ZBTB8A: variants seen among roughly 807,000 people sequenced by gnomAD.
The protein encoded by ZBTB8A is zinc finger and BTB domain-containing protein 8A.
Under a neutral mutation model 37.8 loss-of-function variants are expected in ZBTB8A, and 19 were observed. The observed-to-expected ratio is 0.50, with a 90% CI of 0.35 to 0.74. The LOEUF is 0.74. ZBTB8A is among the 30% of genes least tolerant of loss of function. The probability of loss-of-function intolerance (pLI) is 0.01; values close to 1 mark genes in which losing one functional copy is unlikely to be tolerated. For synonymous variants in ZBTB8A, 181 were observed against 185.2 expected (o/e 0.98, Z 0.19); for missense variants, 394 against 537.8 (o/e 0.73, Z 2.65).
At chr1:32,582,938 G>C in intron 2 of ZBTB8A, among the ~76,000 whole-genome samples, 1 of 152,072 alleles carries the variant, frequency 6.6e-6, no homozygotes, top group Admixed American at 6.6e-5. Flanking sequence ...CCCATTACTA[G>C]TAGAACCTGG....
intron 1 of ZBTB8A, among the ~76,000 whole-genome samples, chr1:32,546,835 G>C (rs1481271683): frequency 1.3e-5 from 2 of 152,154 alleles, no homozygotes; most frequent in Non-Finnish European, 2.9e-5. Flanking sequence ...AGTTCCCTCT[G>C]TCTCCCTGGC....
chr1:32,594,705 G>A (rs1386570786), intron 3 of ZBTB8A, among the ~76,000 whole-genome samples: 1 of 151,602 alleles, frequency 6.6e-6, no homozygotes. Flanking sequence ...GGCAGAGGTT[G>A]CAGTGAGTGG....
intron 2 of ZBTB8A, among the ~76,000 whole-genome samples, chr1:32,567,910 G>A (rs1390471302): frequency 6.6e-6 from 1 of 151,810 alleles, no homozygotes; most frequent in East Asian, 1.9e-4. Context: ...GGGAGGCCGA[G>A]GCAGGCAGAT....
At chr1:32,557,162 C>T (rs143847605) in intron 2 of ZBTB8A, among the ~76,000 whole-genome samples, 22 of 151,804 alleles carry the variant, frequency 1.4e-4, no homozygotes, top group African/African-American at 5.1e-4. Flanking sequence ...ATTAACCGGG[C>T]GTGATGGTGT....
At chr1:32,565,591 C>T (rs1644272379) in intron 2 of ZBTB8A, among the ~76,000 whole-genome samples, 1 of 152,108 alleles carries the variant, frequency 6.6e-6, no homozygotes, top group African/African-American at 2.4e-5. Flanking sequence ...GAGTCTGAGG[C>T]TGCAGTAAGC....
intron 2 of ZBTB8A, among the ~76,000 whole-genome samples, chr1:32,575,226 CTTT>C (rs778765276): frequency 9.9e-6 from 1 of 101,016 alleles, no homozygotes. Flanking sequence ...CTTTTCTTTC[CTTT>C]TTTTTTTTTT....
chr1:32,598,065 A>T (rs1644546631), intron 4 of ZBTB8A, among the ~76,000 whole-genome samples: 1 of 151,376 alleles, frequency 6.6e-6, no homozygotes, highest in African/African-American at 2.4e-5. Context: ...AATACGCATA[A>T]TATTACTATC....
intron 2 of ZBTB8A, among the ~76,000 whole-genome samples, chr1:32,573,803 A>G (rs1392246345): frequency 7.3e-6 from 1 of 137,030 alleles, no homozygotes; most frequent in Non-Finnish European, 1.5e-5. Flanking sequence ...GGCCGGGCGC[A>G]GTGGCTCATG....
chr1:32,596,022 C>T (rs1218055137), intron 4 of ZBTB8A, among the ~76,000 whole-genome samples: 1 of 152,030 alleles, frequency 6.6e-6, no homozygotes, highest in African/African-American at 2.4e-5. Flanking sequence ...CACGTAATCC[C>T]AGCACTTCGG....
chr1:32,560,053 G>T (rs567929675), intron 2 of ZBTB8A, among the ~76,000 whole-genome samples: 1 of 152,012 alleles, frequency 6.6e-6, no homozygotes, highest in Non-Finnish European at 1.5e-5. Flanking sequence ...TTCCAGTTAC[G>T]GTGGAAGACA....
Position 32,586,156 on chromosome 1 carries a change from T to TA in ZBTB8A, c.-1-6768dup, listed in dbSNP as rs894792640. ...AACAGGGAGAAACCCCGTCTGTACT[T>TA]AAAAAAATACAAAATTAACCGGGGT... is the stretch of plus-strand genomic sequence containing the variant. On this transcript the variant is annotated intron_variant, in intron 2 of 4. Transcript: ENST00000373510. 1.9e-4 allele frequency among the ~76,000 whole-genome samples: 28 copies of TA among 151,184 alleles called. 1 individual carries two copies. Among genetic ancestry groups the TA allele is most frequent in the African/African-American group, 5.8e-4 (24 of 41,126 alleles).
At chr1:32,596,411 C>T (rs984654191) in intron 4 of ZBTB8A, among the ~76,000 whole-genome samples, 1 of 151,446 alleles carries the variant, frequency 6.6e-6, no homozygotes, top group Non-Finnish European at 1.5e-5. Flanking sequence ...TGGTGAAACC[C>T]CATCCACCAA....
intron 2 of ZBTB8A, among the ~76,000 whole-genome samples, chr1:32,582,972 A>G (rs988942093): frequency 6.6e-6 from 1 of 152,176 alleles, no homozygotes; most frequent in Non-Finnish European, 1.5e-5. Flanking sequence ...CATGGAAGAA[A>G]CTTCATTATA....
At chr1:32,569,799 A>G (rs1457449141) in intron 2 of ZBTB8A, among the ~76,000 whole-genome samples, 1 of 147,034 alleles carries the variant, frequency 6.8e-6, no homozygotes, top group East Asian at 2.0e-4. Flanking sequence ...TTTTGTCTGT[A>G]AAAAATAGAG....
Position 32,600,146 on chromosome 1 carries a change from A to G in ZBTB8A, c.1053A>G (p.Thr351=), listed in dbSNP as rs749460767. 1 of 1,614,232 alleles carries G rather than the reference A, an allele frequency of 6.2e-7. No individual in the cohort carries two copies. Among genetic ancestry groups the G allele is most frequent in the East Asian group, 2.2e-5 (1 of 44,884 alleles). The change falls in exon 5 of 5, where the codon ACA becomes ACG. Residue 351 remains threonine, a synonymous_variant. Coordinates refer to ENST00000373510, the MANE Select transcript of ZBTB8A (RefSeq NM_001040441.3). ...GTAAACGTCATGTGACAGATCTAACAGGGCAAGTGGTACAGGAGGGAACCA... is the reference window on the plus strand; with the variant it reads ...GTAAACGTCATGTGACAGATCTAACGGGGCAAGTGGTACAGGAGGGAACCA... ...RKCKRHVTDL[T]GQVVQEGTRR... is the part of the protein sequence containing the mutation.
chr1:32,590,326 T>C (rs764962842), intron 2 of ZBTB8A, among the ~76,000 whole-genome samples: 2 of 151,808 alleles, frequency 1.3e-5, no homozygotes, highest in African/African-American at 2.4e-5. Flanking sequence ...TGGGCTTCAG[T>C]ATCTCACCTA....
At chr1:32,540,301 A>G (rs1189682994) in intron 1 of ZBTB8A, among the ~76,000 whole-genome samples, 1 of 151,854 alleles carries the variant, frequency 6.6e-6, no homozygotes, top group African/African-American at 2.4e-5. Flanking sequence ...CCTACTCCAC[A>G]TCATTCTAAG....
intron 1 of ZBTB8A, among the ~76,000 whole-genome samples, 158 bp downstream of exon 1, chr1:32,539,730 C>CG (rs1644033645): frequency 1.4e-3 from 2 of 1,426 alleles, no homozygotes; most frequent in Non-Finnish European, 3.0e-3. Context: ...GGGCCGGGAG[C>CG]GCGGCGGGAG....
In ZBTB8A at chr1:32,601,950, C is replaced by A; in HGVS notation, c.*1531C>A. 3.1e-6 allele frequency: 1 copy of A among 322,606 alleles called. No homozygotes were observed. Among genetic ancestry groups the A allele is most frequent in the Non-Finnish European group, 5.6e-6 (1 of 179,656 alleles). 20.0% of individuals were successfully genotyped at this position (322,606 alleles called of 1,614,324 possible). A position where few individuals can be genotyped will look rare whatever the true frequency, so the allele number is the denominator to read the frequency against. On this transcript the variant is annotated 3_prime_UTR_variant, in exon 5 of 5. Coordinates refer to ENST00000373510, the MANE Select transcript of ZBTB8A (RefSeq NM_001040441.3). ...TATAAAACTATTTGAACAAATTATT[C>A]ACTTAAATATGTTGAACATTTTTGC...
Sources: allele counts gnomAD v4.1 joint callset (sites outside exome capture counted in the v4.1 genomes callset), GRCh38; gene constraint gnomAD v4.1.1; transcripts MANE v1.5; gene names NCBI Gene and HGNC (gene_info 2026-07-23, HGNC 2026-07-21).